Variants in DPP6 observed in about 807,000 individuals in gnomAD.
DPP6 encodes A-type potassium channel modulatory protein DPP6.
In DPP6, 69 loss-of-function variants were observed where a neutral mutation model predicts 122.6. The observed-to-expected ratio is 0.56, with a 90% CI of 0.46 to 0.69. The LOEUF (loss-of-function observed/expected upper bound fraction) is 0.69, where lower values mean the gene tolerates loss of function less well. DPP6 is among the 30% of genes least tolerant of loss of function. The pLI, the probability that DPP6 is intolerant of heterozygous loss-of-function variation, is 0.00. For synonymous variants in DPP6, 418 were observed against 433.1 expected, an observed-to-expected ratio of 0.97 and a Z score of 0.43; for missense variants, 928 against 1,116.9, an observed-to-expected ratio of 0.83 and a Z score of 2.41.
At chr7:154,371,407 AAG>A (rs1238757599) in intron 1 of DPP6, among the ~76,000 whole-genome samples, 17 of 143,300 alleles carry the variant, frequency 1.2e-4, no homozygotes, top group African/African-American at 4.6e-4. Flanking sequence ...AAAAAAAAGA[AAG>A]AAAGAAAGAA....
At chr7:154,252,330 T>C (rs1802406292) in intron 1 of DPP6, among the ~76,000 whole-genome samples, 1 of 152,236 alleles carries the variant, frequency 6.6e-6, no homozygotes. Flanking sequence ...TGTTCAGTGG[T>C]GAACCAGGAT....
intron 8 of DPP6, among the ~76,000 whole-genome samples, chr7:154,754,578 A>C (rs1374962229): frequency 6.6e-6 from 1 of 152,234 alleles, no homozygotes; most frequent in Non-Finnish European, 1.5e-5. Flanking sequence ...TACCTAAAAC[A>C]CTCAACCAGT....
intron 1 of DPP6, among the ~76,000 whole-genome samples, chr7:154,221,231 C>G (rs112839570): frequency 7.2e-5 from 11 of 152,112 alleles, no homozygotes; most frequent in Non-Finnish European, 1.2e-4. Flanking sequence ...ACTTCCACCC[C>G]CCGGGTTCAA....
chr7:154,549,837 C>T (rs1829500482), intron 4 of DPP6, among the ~76,000 whole-genome samples: 1 of 152,138 alleles, frequency 6.6e-6, no homozygotes, highest in Non-Finnish European at 1.5e-5. Flanking sequence ...CCTCCAGTCT[C>T]TGGACGATCA....
intron 1 of DPP6, among the ~76,000 whole-genome samples, chr7:153,990,300 G>A (rs1018813265): frequency 1.8e-5 from 2 of 111,346 alleles, no homozygotes; most frequent in African/African-American, 8.3e-5. Flanking sequence ...ACCCACATGG[G>A]TTCCTGGGTC....
chr7:154,063,699 TGAGGTGGGGACTGAGAGCCAGC>T (rs1802457675), intron 1 of DPP6, among the ~76,000 whole-genome samples: 14 of 129,402 alleles, frequency 1.1e-4, no homozygotes, highest in African/African-American at 3.7e-4. Flanking sequence ...GCACCTCCCG[TGAGGTGGGGACTGAGAGCCAGC>T]CCCTCTTCCC....
At chr7:154,164,993 CT>C (rs200766851) in intron 1 of DPP6, among the ~76,000 whole-genome samples, 8,833 of 149,398 alleles carry the variant, frequency 0.059, 296 homozygotes, top group Non-Finnish European at 0.079. Flanking sequence ...CCATTTTGTA[CT>C]TTTTTTTAAA....
At chr7:154,337,012 C>A (rs1809488068) in intron 1 of DPP6, among the ~76,000 whole-genome samples, 2 of 152,290 alleles carry the variant, frequency 1.3e-5, no homozygotes, top group African/African-American at 4.8e-5. Flanking sequence ...TTATCCGGGG[C>A]CCGAGCAGCT....
intron 1 of DPP6, among the ~76,000 whole-genome samples, chr7:154,175,639 C>A (rs55640652): frequency 1.3e-5 from 2 of 151,870 alleles, no homozygotes; most frequent in African/African-American, 4.8e-5. Context: ...TTGTTTTGGC[C>A]GCAACAGAGC....
intron 1 of DPP6, among the ~76,000 whole-genome samples, chr7:153,991,812 A>G (rs1188842831): frequency 6.6e-6 from 1 of 151,954 alleles, no homozygotes; most frequent in Non-Finnish European, 1.5e-5. Context: ...CCTTACTCTC[A>G]GTCCTTCCCC....
At chr7:154,028,094 C>T (rs3901996) in intron 1 of DPP6, among the ~76,000 whole-genome samples, 27,762 of 149,420 alleles carry the variant, frequency 0.19, 1,288 homozygotes, top group African/African-American at 0.27. Flanking sequence ...GGTGCCCAGG[C>T]GTCCTGGGTC....
At chr7:153,898,787 C>G (rs1799517948) in intron 1 of DPP6, among the ~76,000 whole-genome samples, 1 of 152,164 alleles carries the variant, frequency 6.6e-6, no homozygotes, top group East Asian at 1.9e-4. Flanking sequence ...GAAAACCAGC[C>G]TTATTTCTAC....
intron 1 of DPP6, among the ~76,000 whole-genome samples, chr7:154,053,787 C>G (rs1800594955): frequency 6.6e-6 from 1 of 150,636 alleles, no homozygotes; most frequent in Non-Finnish European, 1.5e-5. Flanking sequence ...GAAAACTTCT[C>G]CGAGAGCACA....
At chr7:153,943,236 A>G (rs114714922) in intron 1 of DPP6, among the ~76,000 whole-genome samples, 1,676 of 152,302 alleles carry the variant, frequency 0.011, 28 homozygotes, top group African/African-American at 0.038. Flanking sequence ...AGCTCATGAC[A>G]CTATGTGGCA....
At chr7:154,853,604 G>GC (rs1802573341) in intron 16 of DPP6, among the ~76,000 whole-genome samples, 176 bp from the exon 17 acceptor site, 1 of 152,216 alleles carries the variant, frequency 6.6e-6, no homozygotes, top group African/African-American at 2.4e-5. Flanking sequence ...CTGTGCCTTG[G>GC]CCCCCCTGCC....
intron 7 of DPP6, among the ~76,000 whole-genome samples, chr7:154,720,598 C>G (rs936996843): frequency 6.6e-6 from 1 of 152,206 alleles, no homozygotes; most frequent in Non-Finnish European, 1.5e-5. Context: ...CAGGGCCCCC[C>G]GGCTGCAGCA....
chr7:153,971,106 G>A (rs968388035), intron 1 of DPP6, among the ~76,000 whole-genome samples: 20 of 151,984 alleles, frequency 1.3e-4, no homozygotes, highest in Admixed American at 2.0e-4. Context: ...GTGTATTTGC[G>A]TGTAGATCTC....
chr7:154,831,188 G>A (rs563013395), intron 16 of DPP6, among the ~76,000 whole-genome samples: 2 of 152,168 alleles, frequency 1.3e-5, no homozygotes, highest in African/African-American at 2.4e-5. Context: ...ACCAATCCAC[G>A]ACCAGTCGTC....
At chr7:154,545,497 ATCCT>A (rs34668667) in intron 4 of DPP6, among the ~76,000 whole-genome samples, 8,804 of 122,002 alleles carry the variant, frequency 0.072, 305 homozygotes, top group East Asian at 0.12. Context: ...CCTTCCTTCC[ATCCT>A]TCCTTCCTTC....
Sources: allele counts gnomAD v4.1 joint callset (sites outside exome capture counted in the v4.1 genomes callset), GRCh38; gene constraint gnomAD v4.1.1; transcripts MANE v1.5; gene names NCBI Gene and HGNC (gene_info 2026-07-23, HGNC 2026-07-21).